The following PACRG variants were observed in gnomAD, a reference collection of about 807,000 sequenced individuals.
The protein encoded by PACRG is parkin coregulated, also known as parkin coregulated gene protein.
Under a neutral mutation model 29.7 loss-of-function variants are expected in PACRG, and 29 were observed. The ratio of observed to expected loss-of-function variants is 0.98; its 90% CI spans 0.73 to 1.33. The LOEUF (loss-of-function observed/expected upper bound fraction) is 1.33. Ranked by LOEUF, PACRG falls within the 40% of genes most tolerant of loss-of-function variation. PACRG has a pLI of 0.00. For synonymous variants in PACRG, 116 were observed against 118.7 expected (o/e 0.98, Z 0.15); for missense variants, 279 against 316.2 (o/e 0.88, Z 0.89).
chr6:163,198,811 G>A (rs1780580418), intron 4 of PACRG, among the ~76,000 whole-genome samples: 1 of 152,186 alleles, frequency 6.6e-6, no homozygotes, highest in South Asian at 2.1e-4. Flanking sequence ...GTGTGCCCAA[G>A]GCGGTTGGGG....
chr6:162,739,936 T>C (rs1780448195), intron 1 of PACRG, among the ~76,000 whole-genome samples: 1 of 152,190 alleles, frequency 6.6e-6, no homozygotes, highest in African/African-American at 2.4e-5. Flanking sequence ...ATTCTTATAA[T>C]GTTCACACAT....
chr6:163,108,270 A>G (rs192907508), intron 4 of PACRG, among the ~76,000 whole-genome samples: 1 of 151,746 alleles, frequency 6.6e-6, no homozygotes, highest in South Asian at 2.1e-4. Flanking sequence ...TCCTGCTCCA[A>G]CCGTGTAGAA....
At chr6:162,872,597 C>T (rs1792917369) in intron 2 of PACRG, among the ~76,000 whole-genome samples, 1 of 152,008 alleles carries the variant, frequency 6.6e-6, no homozygotes, top group South Asian at 2.1e-4. Context: ...TAGAAACTTC[C>T]CTAAAAATTG....
At chr6:163,154,858 G>A (rs900202225) in intron 4 of PACRG, among the ~76,000 whole-genome samples, 1 of 152,038 alleles carries the variant, frequency 6.6e-6, no homozygotes, top group Admixed American at 6.5e-5. Flanking sequence ...ACCTGCATGT[G>A]ACATGCTGAA....
chr6:163,201,817 G>T (rs1476195675), intron 4 of PACRG, among the ~76,000 whole-genome samples: 3 of 152,218 alleles, frequency 2.0e-5, no homozygotes, highest in Non-Finnish European at 4.4e-5. Context: ...GACCTCGAGG[G>T]CCATTGACAC....
intron 4 of PACRG, among the ~76,000 whole-genome samples, chr6:163,284,979 A>C (rs1427217127): frequency 6.6e-6 from 1 of 152,210 alleles, no homozygotes; most frequent in Non-Finnish European, 1.5e-5. Flanking sequence ...TGCCTGGGGC[A>C]GTGCAGTAGC....
chr6:162,888,199 C>T (rs1453583175), intron 2 of PACRG, among the ~76,000 whole-genome samples: 1 of 151,854 alleles, frequency 6.6e-6, no homozygotes, highest in Admixed American at 6.6e-5. Flanking sequence ...GGGTGGGCTG[C>T]GGGGTGTCAT....
intron 4 of PACRG, among the ~76,000 whole-genome samples, chr6:163,285,030 C>G (rs2128184988): frequency 6.6e-6 from 1 of 152,278 alleles, no homozygotes; most frequent in African/African-American, 2.4e-5. Context: ...CAAACAGCAG[C>G]CTCGACTCAA....
intron 2 of PACRG, among the ~76,000 whole-genome samples, chr6:162,968,033 C>T (rs964379001): frequency 9.2e-5 from 14 of 152,170 alleles, no homozygotes; most frequent in African/African-American, 2.2e-4. Flanking sequence ...TAACATCAAA[C>T]TGTGGATTAC....
intron 4 of PACRG, among the ~76,000 whole-genome samples, chr6:163,099,366 C>T (rs972858424): frequency 1.3e-5 from 2 of 152,184 alleles, no homozygotes; most frequent in Non-Finnish European, 1.5e-5. Flanking sequence ...TGTATTTAAA[C>T]GCTCAAAATG....
chr6:163,164,372 T>C (rs796113824), intron 4 of PACRG, among the ~76,000 whole-genome samples: 8 of 152,328 alleles, frequency 5.3e-5, no homozygotes, highest in African/African-American at 1.4e-4. Flanking sequence ...ATCCTCTACG[T>C]TGGCCTCTAA....
chr6:163,132,151 GATTT>G (rs1334674031), intron 4 of PACRG, among the ~76,000 whole-genome samples: 1 of 152,086 alleles, frequency 6.6e-6, no homozygotes, highest in Non-Finnish European at 1.5e-5. Context: ...CTGAAAATAA[GATTT>G]ATTTTATTTA....
At chr6:162,916,436 G>A (rs752116135) in intron 2 of PACRG, among the ~76,000 whole-genome samples, 1 of 152,118 alleles carries the variant, frequency 6.6e-6, no homozygotes, top group Non-Finnish European at 1.5e-5. Flanking sequence ...AATTTGGAAA[G>A]TTTTTGTCCC....
At chr6:162,968,608 A>G (rs1345811876) in intron 2 of PACRG, among the ~76,000 whole-genome samples, 3 of 152,240 alleles carry the variant, frequency 2.0e-5, no homozygotes, top group Non-Finnish European at 4.4e-5. Flanking sequence ...CTGATGTTCC[A>G]GCGTGACAGA....
rs938430037 is a variant in PACRG, at chr6:163,055,330, GCACACACACATGCA to G, written c.292-6810_292-6797del. ...CACACATGCACACATATCCAGGTGT[GCACACACACATGCA>G]CACACACACGCACACACACGCACAC... On this transcript the variant is annotated intron_variant, in intron 2 of 4. Transcript: ENST00000366888. This position sits in a 1 kb window ranked among gnomAD's most constrained non-coding sequence, Gnocchi z 4.0. Among the ~76,000 whole-genome samples the G allele has an allele frequency of 9.3e-6, 1 of 107,494 alleles. No individual in the cohort carries two copies. The highest frequency in any genetic ancestry group is 2.0e-5 in the Non-Finnish European group (1 of 49,576). The allele number at this position is 107,494 out of a possible 152,430, so 70.5% of individuals were successfully genotyped here.
At chr6:163,301,945 G>A (rs12528597) in intron 4 of PACRG, among the ~76,000 whole-genome samples, 2,860 of 152,220 alleles carry the variant, frequency 0.019, 34 homozygotes, top group South Asian at 0.05. Context: ...GCCCCTCAGG[G>A]GTCCTGTTGT....
intron 1 of PACRG, among the ~76,000 whole-genome samples, chr6:162,810,331 G>T (rs1376473175): frequency 6.6e-6 from 1 of 152,156 alleles, no homozygotes; most frequent in East Asian, 1.9e-4. Context: ...GTCAGAATAA[G>T]CAAGCTAAAA....
At chr6:162,947,497 ATATATATATAATC>A (rs1173254540) in intron 2 of PACRG, among the ~76,000 whole-genome samples, 31 of 120,962 alleles carry the variant, frequency 2.6e-4, no homozygotes, top group African/African-American at 9.3e-4. Context: ...ATATATACTC[ATATATATATAATC>A]TATATATATA....
intron 2 of PACRG, among the ~76,000 whole-genome samples, chr6:163,038,446 A>T (rs1288650023): frequency 6.6e-6 from 1 of 152,200 alleles, no homozygotes; most frequent in African/African-American, 2.4e-5. Flanking sequence ...GACCCTGCAC[A>T]CAGCCAGTGA....
Sources: allele counts gnomAD v4.1 joint callset (sites outside exome capture counted in the v4.1 genomes callset), GRCh38; gene constraint gnomAD v4.1.1; non-coding constraint Gnocchi (gnomAD v3.1); transcripts MANE v1.5; gene names NCBI Gene and HGNC (gene_info 2026-07-23, HGNC 2026-07-21).